LNPEP: variants seen among roughly 807,000 people sequenced by gnomAD.
LNPEP encodes the protein leucyl and cystinyl aminopeptidase.
LNPEP carries 64 observed loss-of-function variants against 120.6 expected under a neutral mutation model. The observed-to-expected ratio is 0.53, with a 90% CI of 0.43 to 0.65. LNPEP has a LOEUF of 0.65. Ranked by LOEUF, LNPEP falls within the 30% of genes least tolerant of loss-of-function variation. The probability of loss-of-function intolerance (pLI) is 0.00; values close to 1 mark genes in which losing one functional copy is unlikely to be tolerated. For missense variants in LNPEP, 1,057 were observed against 1,200.0 expected (o/e 0.88, Z 1.76); for synonymous variants, 435 against 425.4 (o/e 1.02, Z -0.28).
chr5:96,954,239 A>T (rs1436092063), intron 1 of LNPEP, among the ~76,000 whole-genome samples: 1 of 152,224 alleles, frequency 6.6e-6, no homozygotes, highest in Admixed American at 6.5e-5. Context: ...ACATCCTGAA[A>T]TGTAATTATA....
At chr5:96,947,585 T>G (rs1272807996) in intron 1 of LNPEP, among the ~76,000 whole-genome samples, 1 of 152,150 alleles carries the variant, frequency 6.6e-6, no homozygotes, top group Non-Finnish European at 1.5e-5. Flanking sequence ...GAGATGTCCT[T>G]TAGACAGATT....
In LNPEP at chr5:97,006,170, T is replaced by A; in HGVS notation, c.1883T>A (p.Leu628His). ...LVTVQKKGKE[L>H]FIQQERFFLN... The stretch of plus-strand genomic sequence containing the variant: ...ACTGTTCAAAAGAAAGGAAAGGAAC[T>A]TTTTATACAACAAGAGAGATTCTTT... The change falls in exon 10 of 18, where the codon CTT becomes CAT. Residue 628 changes from leucine (L) to histidine (H), a missense_variant. Coordinates refer to ENST00000231368, the MANE Select transcript of LNPEP (RefSeq NM_005575.3). 6.2e-7 allele frequency: 1 copy of A among 1,605,986 alleles called. No individual in the cohort carries two copies. Among genetic ancestry groups the A allele is most frequent in the Non-Finnish European group, 8.5e-7 (1 of 1,175,954 alleles).
chr5:97,012,683 C>T lies in LNPEP; in HGVS notation c.2036-965C>T, dbSNP rs535783365. Among the ~76,000 whole-genome samples the T allele has an allele frequency of 3.9e-5, 6 of 152,248 alleles. No homozygotes were observed. The South Asian group carries it at 1.2e-3, about 32-fold the overall frequency. The stretch of plus-strand genomic sequence containing the variant: ...CATCCTTGTTGCCAACTTTAAAAGA[C>T]ATTTCTTCATTAGCAGTTTTAAGGA... On this transcript the variant is annotated intron_variant, in intron 11 of 17. Coordinates refer to ENST00000231368, the MANE Select transcript of LNPEP (RefSeq NM_005575.3).
At chr5:96,964,854 A>G (rs1022594711) in intron 1 of LNPEP, among the ~76,000 whole-genome samples, 1 of 152,196 alleles carries the variant, frequency 6.6e-6, no homozygotes, top group Non-Finnish European at 1.5e-5. Context: ...AGCAACCATT[A>G]AGAAAAATAT....
In LNPEP at chr5:97,033,200, T is replaced by A. The variant is rs1791504375; in HGVS notation, c.*4667T>A. 1 of 152,104 alleles carries A rather than the reference T, an allele frequency of 6.6e-6. No individual in the cohort carries two copies. Among genetic ancestry groups the A allele is most frequent in the Non-Finnish European group, 1.5e-5 (1 of 68,022 alleles). 9.4% of individuals were successfully genotyped at this position (152,104 alleles called of 1,614,324 possible). On this transcript the variant is annotated 3_prime_UTR_variant, in exon 18 of 18. Coordinates refer to ENST00000231368, the MANE Select transcript of LNPEP (RefSeq NM_005575.3). ...AAAGTACCAATGAAATGTGGAGATCTCGATGTATAACAGTCTCCCATTCTC... is the reference window on the plus strand; with the variant it reads ...AAAGTACCAATGAAATGTGGAGATCACGATGTATAACAGTCTCCCATTCTC...
intron 8 of LNPEP, among the ~76,000 whole-genome samples, chr5:97,001,738 CAAG>C (rs1405878741): frequency 2.0e-5 from 3 of 152,094 alleles, no homozygotes; most frequent in South Asian, 4.1e-4. Flanking sequence ...TTGCAGCTCT[CAAG>C]GAGGAGCAGG....
chr5:97,015,011 C>A lies in LNPEP; in HGVS notation c.2292C>A (p.Pro764=). The stretch of plus-strand genomic sequence containing the variant: ...TTGGAAATGAGAACCATACTGCACC[C>A]ATCACCGAAGCCCTGTTTCAGACAG... The part of the protein sequence containing the change: ...NYLGNENHTA[P]ITEALFQTDL... The change falls in exon 13 of 18, where the codon CCC becomes CCA. Residue 764 remains proline, a synonymous_variant. Coordinates refer to ENST00000231368, the MANE Select transcript of LNPEP (RefSeq NM_005575.3). 6.2e-7 allele frequency: 1 copy of A among 1,603,968 alleles called. No individual in the cohort carries two copies. Among genetic ancestry groups the A allele is most frequent in the Non-Finnish European group, 8.5e-7 (1 of 1,174,382 alleles).
chr5:96,960,357 C>G (rs1272734390), intron 1 of LNPEP, among the ~76,000 whole-genome samples: 1 of 152,204 alleles, frequency 6.6e-6, no homozygotes, highest in Non-Finnish European at 1.5e-5. Context: ...GTTACGCTAA[C>G]AAGTCCACTG....
rs750865895 is a variant in LNPEP, at chr5:96,979,527, A to G, written c.409A>G (p.Thr137Ala). The change falls in exon 2 of 18, where the codon ACC becomes GCC. Residue 137 changes from threonine (T) to alanine (A), a missense_variant. Transcript: ENST00000231368. ...VIYLLPRCTF[T>A]KEGCHKKNQS... ...TTACTTACTGCCCAGATGTACCTTT[A>G]CCAAAGAAGGCTGCCATAAAAAAAA... 1.9e-6 allele frequency: 3 copies of G among 1,613,970 alleles called. No homozygotes were observed. The highest frequency in any genetic ancestry group is 2.5e-6 in the Non-Finnish European group (3 of 1,179,954).
At chr5:96,968,617 A>G (rs1258309347) in intron 1 of LNPEP, among the ~76,000 whole-genome samples, 1 of 152,108 alleles carries the variant, frequency 6.6e-6, no homozygotes, top group Non-Finnish European at 1.5e-5. Flanking sequence ...AAAATTGGTC[A>G]GAGTAAGACA....
At chr5:96,940,763 T>C (rs1789031234) in intron 1 of LNPEP, among the ~76,000 whole-genome samples, 1 of 152,200 alleles carries the variant, frequency 6.6e-6, no homozygotes, top group Non-Finnish European at 1.5e-5. Flanking sequence ...GGGATGGACC[T>C]AGATGAGGCC....
chr5:97,008,350 T>TTTC (rs1561450416), intron 11 of LNPEP, among the ~76,000 whole-genome samples: 2 of 118,924 alleles, frequency 1.7e-5, no homozygotes, highest in African/African-American at 6.5e-5. Flanking sequence ...TTTTTTTTTT[T>TTTC]TTTTTTTTTT....
intron 4 of LNPEP, among the ~76,000 whole-genome samples, chr5:96,987,576 C>T (rs38035): frequency 0.46 from 69,375 of 151,890 alleles, 15,936 homozygotes; most frequent in Non-Finnish European, 0.49. Flanking sequence ...AAGACTATCA[C>T]GTCTATCCCA....
In LNPEP at chr5:97,030,040, G is replaced by A. The variant is rs1451555498; in HGVS notation, c.*1507G>A. ...TTAAAACACTCCACAGAGTCAGACA[G>A]TGGGAAAGGTCACCCTTTTTTTATT... On this transcript the variant is annotated 3_prime_UTR_variant, in exon 18 of 18. Coordinates refer to ENST00000231368, the MANE Select transcript of LNPEP (RefSeq NM_005575.3). 6.6e-6 allele frequency: 1 copy of A among 152,096 alleles called. No individual in the cohort carries two copies. Among genetic ancestry groups the A allele is most frequent in the South Asian group, 2.1e-4 (1 of 4,832 alleles). The allele number at this position is 152,096 out of a possible 1,614,324, so 9.4% of individuals were successfully genotyped here.
At chr5:97,010,742 A>C in intron 11 of LNPEP, 1 of 985,334 alleles carries the variant, frequency 1.0e-6, no homozygotes, top group Non-Finnish European at 1.2e-6. Flanking sequence ...TGAAAATTGA[A>C]GTGTTAATCT....
rs1446932944 is a variant in LNPEP at position 97,021,939 on chromosome 5, T to G, written c.2377-361T>G. Among the ~76,000 whole-genome samples the G allele has an allele frequency of 5.7e-5, 8 of 140,328 alleles. No individual in the cohort carries two copies. The East Asian group carries it at 8.1e-4, about 14-fold the overall frequency. The allele number at this position is 140,328 out of a possible 152,430, so 92.1% of individuals were successfully genotyped here. ...TTGTCTTTTGTTTTTTTTTTTTTTT[T>G]TTTTTTTTTTGAGGCAGAGTCTTGC... On this transcript the variant is annotated intron_variant, in intron 13 of 17. Coordinates refer to ENST00000231368, the MANE Select transcript of LNPEP (RefSeq NM_005575.3).
At chr5:96,968,457 T>C (rs908435361) in intron 1 of LNPEP, among the ~76,000 whole-genome samples, 1 of 152,102 alleles carries the variant, frequency 6.6e-6, no homozygotes, top group African/African-American at 2.4e-5. Flanking sequence ...GGGGGGAAAG[T>C]GAATATAATA....
At chr5:96,988,026 TTTAA>T (rs1167498942) in intron 4 of LNPEP, among the ~76,000 whole-genome samples, 1 of 152,222 alleles carries the variant, frequency 6.6e-6, no homozygotes, top group African/African-American at 2.4e-5. Context: ...TTCATAGCAC[TTTAA>T]TTATCTCTTT....
chr5:96,962,880 T>G (rs1420570486), intron 1 of LNPEP: 1 of 151,940 alleles, frequency 6.6e-6, no homozygotes, highest in Non-Finnish European at 1.5e-5. Context: ...GTAGTGACGA[T>G]GATGAACTTG....
Sources: allele counts gnomAD v4.1 joint callset (sites outside exome capture counted in the v4.1 genomes callset), GRCh38; gene constraint gnomAD v4.1.1; transcripts MANE v1.5; gene names NCBI Gene and HGNC (gene_info 2026-07-23, HGNC 2026-07-21).